The following ITPR1 variants were observed in gnomAD, a reference collection of about 807,000 sequenced individuals.
ITPR1 encodes the protein inositol 1,4,5-trisphosphate-gated calcium channel ITPR1.
Under a neutral mutation model 318.4 loss-of-function variants are expected in ITPR1, and 96 were observed. The observed-to-expected ratio is 0.30, with a 90% confidence interval of 0.26 to 0.36. The LOEUF is 0.36. Among genes scored for constraint, ITPR1 ranks in the 10% least tolerant of loss-of-function variants. ITPR1 has a pLI of 1.00. For missense variants in ITPR1, 2,440 were observed against 3,460.2 expected (o/e 0.71, Z 7.40); for synonymous variants, 1,312 against 1,289.9 (o/e 1.02, Z -0.37).
intron 26 of ITPR1, among the ~76,000 whole-genome samples, chr3:4,681,844 T>C (rs2094308624): frequency 6.6e-6 from 1 of 150,994 alleles, no homozygotes; most frequent in African/African-American, 2.5e-5. Context: ...CTGAGCTCCT[T>C]ACAGGCTATG....
intron 4 of ITPR1, among the ~76,000 whole-genome samples, chr3:4,544,936 G>A (rs2084822721): frequency 6.6e-6 from 1 of 152,128 alleles, no homozygotes; most frequent in Admixed American, 6.6e-5. Flanking sequence ...TGGGACTATA[G>A]GTGTGTGCCA....
At chr3:4,598,239 C>G (rs1232779742) in intron 4 of ITPR1, among the ~76,000 whole-genome samples, 1 of 152,230 alleles carries the variant, frequency 6.6e-6, no homozygotes, top group African/African-American at 2.4e-5. Flanking sequence ...TGGTAGTAAT[C>G]TCTTTAACCA....
At chr3:4,698,522 G>A (rs2094594274) in intron 34 of ITPR1, among the ~76,000 whole-genome samples, 1 of 152,090 alleles carries the variant, frequency 6.6e-6, no homozygotes, top group South Asian at 2.1e-4. Context: ...AATATGTTCA[G>A]CTTTGTGGGC....
At chr3:4,760,602 A>T (rs1050089117) in intron 44 of ITPR1, among the ~76,000 whole-genome samples, 1 of 152,230 alleles carries the variant, frequency 6.6e-6, no homozygotes, top group Non-Finnish European at 1.5e-5. Context: ...TAAGTTCAAC[A>T]TGAGTCTTAC....
intron 4 of ITPR1, among the ~76,000 whole-genome samples, chr3:4,605,017 G>A (rs1465707422): frequency 6.6e-6 from 1 of 152,028 alleles, no homozygotes; most frequent in Non-Finnish European, 1.5e-5. Flanking sequence ...TGTCGCCTAG[G>A]CTGAAGTGCG....
intron 2 of ITPR1, among the ~76,000 whole-genome samples, chr3:4,512,466 G>A (rs1417820522): frequency 6.6e-6 from 1 of 152,166 alleles, no homozygotes; most frequent in Non-Finnish European, 1.5e-5. Context: ...TGGCAGTTGA[G>A]TGTAATTCGC....
chr3:4,617,251 A>G lies in ITPR1; in HGVS notation c.164-10512A>G, dbSNP rs1428245760. On this transcript the variant is annotated intron_variant, in intron 4 of 61. Transcript: ENST00000649015. ...GTGCTGGTATAACAGGATACCACAG[A>G]CTGGATAATTTATAATGAGCAGAAA... Among the ~76,000 whole-genome samples the G allele has an allele frequency of 2.6e-5, 4 of 152,104 alleles. No individual in the cohort carries two copies. In the South Asian group the frequency reaches 8.3e-4, roughly 32 times the overall value.
At chr3:4,643,741 ATTGTT>A (rs1181647041) in intron 7 of ITPR1, among the ~76,000 whole-genome samples, 1 of 152,206 alleles carries the variant, frequency 6.6e-6, no homozygotes. Context: ...TATGAAAGTA[ATTGTT>A]TTAGAAACAT....
intron 60 of ITPR1, chr3:4,825,607 G>A (rs948478935): frequency 4.9e-6 from 2 of 405,416 alleles, no homozygotes; most frequent in Non-Finnish European, 4.9e-6. Context: ...TGGCCCTTGT[G>A]CTTATCTGTA....
intron 5 of ITPR1, 121 bp from the exon 6 acceptor site, chr3:4,639,263 C>T (rs950085358): frequency 8.5e-5 from 63 of 743,096 alleles, no homozygotes; most frequent in Middle Eastern, 2.3e-4. Context: ...AGGGTGTGTC[C>T]TCAGGGATTT....
At chr3:4,594,099 T>C (rs1053589229) in intron 4 of ITPR1, among the ~76,000 whole-genome samples, 1 of 152,170 alleles carries the variant, frequency 6.6e-6, no homozygotes, top group Admixed American at 6.5e-5. Context: ...GACTTCGGGC[T>C]TGTTCATTGG....
chr3:4,830,079 T>A (rs2050372590), intron 60 of ITPR1, among the ~76,000 whole-genome samples: 1 of 149,110 alleles, frequency 6.7e-6, no homozygotes, highest in Admixed American at 6.8e-5. Context: ...GTTCAAGCGA[T>A]TCTCCTGCCT....
chr3:4,614,841 C>G (rs1445376559), intron 4 of ITPR1, among the ~76,000 whole-genome samples: 1 of 152,146 alleles, frequency 6.6e-6, no homozygotes, highest in East Asian at 1.9e-4. Context: ...TTTCTGGATT[C>G]CCTTTCTCTT....
intron 4 of ITPR1, among the ~76,000 whole-genome samples, chr3:4,609,948 C>T (rs2091974867): frequency 6.6e-6 from 1 of 152,094 alleles, no homozygotes; most frequent in Non-Finnish European, 1.5e-5. Context: ...CTGTTGCGGA[C>T]TAAGGGATGC....
At chr3:4,654,553 G>A (rs1417054561) in intron 12 of ITPR1, among the ~76,000 whole-genome samples, 1 of 152,222 alleles carries the variant, frequency 6.6e-6, no homozygotes, top group Non-Finnish European at 1.5e-5. Flanking sequence ...GAAAGGGTGG[G>A]TATAAGTAAG....
chr3:4,716,447 GAT>G (rs1373522097), intron 39 of ITPR1, among the ~76,000 whole-genome samples: 1 of 152,168 alleles, frequency 6.6e-6, no homozygotes, highest in Non-Finnish European at 1.5e-5. Context: ...AATGTAAAAG[GAT>G]ATCTTAGAAT....
chr3:4,784,292 T>C (rs1014450695), intron 51 of ITPR1, among the ~76,000 whole-genome samples: 2 of 152,062 alleles, frequency 1.3e-5, no homozygotes, highest in African/African-American at 4.8e-5. Flanking sequence ...AGGTAGAGAC[T>C]AGCAAGAGGA....
chr3:4,498,040 T>C (rs543410135), intron 2 of ITPR1, among the ~76,000 whole-genome samples: 1 of 152,116 alleles, frequency 6.6e-6, no homozygotes, highest in African/African-American at 2.4e-5. Flanking sequence ...CTGGGGGAGA[T>C]AGAAGACAGG....
chr3:4,649,684 A>G (rs1559611812), intron 10 of ITPR1, among the ~76,000 whole-genome samples: 1 of 152,206 alleles, frequency 6.6e-6, no homozygotes, highest in Non-Finnish European at 1.5e-5. Flanking sequence ...GTTATAAAAT[A>G]TCATAAACTG....
Sources: allele counts gnomAD v4.1 joint callset (sites outside exome capture counted in the v4.1 genomes callset), GRCh38; gene constraint gnomAD v4.1.1; transcripts MANE v1.5; gene names NCBI Gene and HGNC (gene_info 2026-07-23, HGNC 2026-07-21).